Variants in KLHL29 observed in about 807,000 individuals in gnomAD.
KLHL29 encodes kelch like family member 29.
In KLHL29, 21 loss-of-function variants were observed where a neutral mutation model predicts 80.4. That is an observed-to-expected ratio of 0.26 (90% CI 0.19 to 0.38). KLHL29 has a LOEUF of 0.38. Among genes scored for constraint, KLHL29 ranks in the 10% least tolerant of loss-of-function variants. The probability of loss-of-function intolerance (pLI) is 1.00; values close to 1 mark genes in which losing one functional copy is unlikely to be tolerated. For synonymous variants in KLHL29, 511 were observed against 526.8 expected (o/e 0.97, Z 0.41); for missense variants, 867 against 1,223.9 (o/e 0.71, Z 4.35).
intron 2 of KLHL29, among the ~76,000 whole-genome samples, chr2:23,483,407 C>G (rs986254994): frequency 2.6e-5 from 4 of 152,216 alleles, no homozygotes; most frequent in African/African-American, 9.6e-5. Context: ...AATTGGGAGA[C>G]ACAGCCTTGA....
intron 1 of KLHL29, among the ~76,000 whole-genome samples, chr2:23,391,447 G>A (rs1168188221): frequency 2.0e-5 from 3 of 152,148 alleles, no homozygotes; most frequent in African/African-American, 7.2e-5. Context: ...TTTGTTTTGA[G>A]ACGGGGTTTT....
intron 13 of KLHL29, 36 bp downstream of exon 13, chr2:23,703,899 G>A (rs1207813380): frequency 3.3e-6 from 5 of 1,513,750 alleles, no homozygotes; most frequent in South Asian, 2.5e-5. Context: ...GGGCTGGGAC[G>A]GAGGAGTGGG....
chr2:23,542,475 G>C (rs1254272365), intron 2 of KLHL29, among the ~76,000 whole-genome samples: 1 of 152,214 alleles, frequency 6.6e-6, no homozygotes, highest in Non-Finnish European at 1.5e-5. Context: ...CATGGGGCAT[G>C]TGTGCTCTGA....
At chr2:23,512,264 G>A (rs946472757) in intron 2 of KLHL29, among the ~76,000 whole-genome samples, 2 of 152,160 alleles carry the variant, frequency 1.3e-5, no homozygotes, top group Non-Finnish European at 2.9e-5. Flanking sequence ...TGACGCACAT[G>A]GAGAAACTCT....
intron 1 of KLHL29, among the ~76,000 whole-genome samples, chr2:23,422,092 G>A (rs1196345742): frequency 6.6e-6 from 1 of 151,346 alleles, no homozygotes; most frequent in Non-Finnish European, 1.5e-5. Context: ...TTTGCTGTCT[G>A]TATGTTTGTG....
chr2:23,448,675 A>G (rs1044382410), intron 1 of KLHL29, among the ~76,000 whole-genome samples: 1 of 152,066 alleles, frequency 6.6e-6, no homozygotes, highest in South Asian at 2.1e-4. Context: ...CCACTCAACC[A>G]CCTTCTGGGG....
chr2:23,482,264 G>T (rs1235901432), intron 2 of KLHL29, among the ~76,000 whole-genome samples: 5 of 152,202 alleles, frequency 3.3e-5, no homozygotes, highest in African/African-American at 1.2e-4. Flanking sequence ...TGGCACCTGG[G>T]CTAGAAATAG....
intron 3 of KLHL29, among the ~76,000 whole-genome samples, chr2:23,575,660 C>G (rs1667825247): frequency 6.6e-6 from 1 of 152,208 alleles, no homozygotes; most frequent in Non-Finnish European, 1.5e-5. Context: ...GGTTCACGGC[C>G]TTTTTATGAT....
At chr2:23,465,781 C>T (rs529583979) in intron 1 of KLHL29, among the ~76,000 whole-genome samples, 1 of 152,176 alleles carries the variant, frequency 6.6e-6, no homozygotes, top group Non-Finnish European at 1.5e-5. Flanking sequence ...TCCAGGACCC[C>T]GCTTAAGCCC....
intron 3 of KLHL29, among the ~76,000 whole-genome samples, chr2:23,614,773 G>A (rs940485004): frequency 2.0e-5 from 3 of 152,186 alleles, no homozygotes; most frequent in Non-Finnish European, 2.9e-5. Context: ...GTCGCTGATC[G>A]CTGAGGGAGG....
chr2:23,708,077 C>T lies in KLHL29; in HGVS notation c.*1413C>T, dbSNP rs1672833632. 6.6e-6 allele frequency: 1 copy of T among 152,156 alleles called. No individual in the cohort carries two copies. Among genetic ancestry groups the T allele is most frequent in the African/African-American group, 2.4e-5 (1 of 41,420 alleles). 9.4% of individuals were successfully genotyped at this position (152,156 alleles called of 1,614,324 possible). On this transcript the variant is annotated 3_prime_UTR_variant, in exon 14 of 14. Transcript: ENST00000486442. ...TATATCTGGGAAGTCAACTTGCCAT[C>T]GTTTCATGATAACAACCATTTATAA... is the stretch of plus-strand genomic sequence containing the variant.
chr2:23,592,057 A>T (rs1668276235), intron 3 of KLHL29, among the ~76,000 whole-genome samples: 1 of 152,230 alleles, frequency 6.6e-6, no homozygotes, highest in Admixed American at 6.5e-5. Context: ...TTGTTGAATG[A>T]GTGAATGATG....
At chr2:23,594,153 A>C (rs1013691631) in intron 3 of KLHL29, among the ~76,000 whole-genome samples, 3 of 152,218 alleles carry the variant, frequency 2.0e-5, no homozygotes, top group African/African-American at 7.2e-5. Flanking sequence ...CAGAGGTGGG[A>C]AGGTTCTGTT....
At chr2:23,622,046 C>T (rs1476289625) in intron 3 of KLHL29, among the ~76,000 whole-genome samples, 2 of 152,218 alleles carry the variant, frequency 1.3e-5, no homozygotes, top group East Asian at 3.8e-4. Flanking sequence ...TGGAAGCCAG[C>T]TGGGCACCTG....
Position 23,696,506 on chromosome 2 carries a change from G to T in KLHL29, c.2098G>T (p.Val700Leu), listed in dbSNP as rs17851311. Residue 700 changes from valine (V) to leucine (L), a missense_variant, in exon 11 of 14, where the codon GTG (valine) becomes TTG (leucine). Physicochemically the swap from Val to Leu is conservative, Grantham distance 32. This residue lies in a region of KLHL29 where 443 missense variants were observed against 767.0 expected (regional missense o/e 0.58). Transcript: ENST00000486442. The surrounding 1 kb of genome is among the most constrained non-coding windows in gnomAD (Gnocchi z 5.5). ...TGGCGTGGCAGGCAACGTGGACCAC[G>T]TGGAGAGGTAATGAGGCCACGGTCA... ...GLGVAGNVDH[V>L]ERYDTITNQW... The T allele has an allele frequency of 6.6e-7, 1 of 1,524,140 alleles. No homozygotes were observed. Among genetic ancestry groups the T allele is most frequent in the Non-Finnish European group, 8.8e-7 (1 of 1,134,370 alleles). 94.4% of individuals were successfully genotyped at this position (1,524,140 alleles called of 1,614,324 possible).
intron 2 of KLHL29, among the ~76,000 whole-genome samples, chr2:23,558,784 T>C (rs1667365207): frequency 6.6e-6 from 1 of 152,242 alleles, no homozygotes; most frequent in African/African-American, 2.4e-5. Flanking sequence ...GTGTCTGAGA[T>C]TTTCTCTTCA....
chr2:23,594,348 C>G (rs913949583), intron 3 of KLHL29, among the ~76,000 whole-genome samples: 3 of 152,140 alleles, frequency 2.0e-5, no homozygotes, highest in Admixed American at 2.0e-4. Flanking sequence ...GACTTCCTGC[C>G]CGGCTCCTCC....
intron 2 of KLHL29, among the ~76,000 whole-genome samples, chr2:23,550,015 T>C (rs1360019618): frequency 6.6e-6 from 1 of 152,156 alleles, no homozygotes; most frequent in Non-Finnish European, 1.5e-5. Flanking sequence ...TACCCTGGCC[T>C]ACCCTGCCTG....
chr2:23,678,492 A>C (rs72796106), intron 5 of KLHL29, among the ~76,000 whole-genome samples: 19,743 of 152,276 alleles, frequency 0.13, 1,468 homozygotes, highest in Middle Eastern at 0.21. Context: ...CACGTGGAGC[A>C]GAAATGAGTT....
Sources: allele counts gnomAD v4.1 joint callset (sites outside exome capture counted in the v4.1 genomes callset), GRCh38; gene constraint gnomAD v4.1.1; regional missense constraint gnomAD v4.1.1; non-coding constraint Gnocchi (gnomAD v3.1); transcripts MANE v1.5; gene names NCBI Gene and HGNC (gene_info 2026-07-23, HGNC 2026-07-21).